KIF6: variants seen among roughly 807,000 people sequenced by gnomAD.
KIF6 encodes the protein kinesin family member 6.
KIF6 carries 106 observed loss-of-function variants against 112.7 expected under a neutral mutation model. That is an observed-to-expected ratio of 0.94 (90% confidence interval 0.80 to 1.11). The LOEUF (loss-of-function observed/expected upper bound fraction) is 1.11. Among genes scored for constraint, KIF6 ranks in the 50% least tolerant of loss-of-function variants. KIF6 has a pLI of 0.00. For synonymous variants in KIF6, 339 were observed against 339.9 expected, an observed-to-expected ratio of 1.00 and a Z score of 0.03; for missense variants, 929 against 964.0, an observed-to-expected ratio of 0.96 and a Z score of 0.48.
At chr6:39,608,994 G>A (rs186524298) in intron 6 of KIF6, among the ~76,000 whole-genome samples, 1 of 152,132 alleles carries the variant, frequency 6.6e-6, no homozygotes, top group South Asian at 2.1e-4. Context: ...TAATTCAATT[G>A]TTTCTATATC....
rs572359533 is a variant in KIF6 at position 39,369,982 on chromosome 6, C to T, written c.1862-7464G>A. On this transcript the variant is annotated intron_variant, in intron 16 of 22. Transcript: ENST00000287152. ...AAGGTTCCCCTTTTTCCCTGGTGCA[C>T]AGCACCTCTCCCAGCCTACCCCTCC... Among the ~76,000 whole-genome samples, 13 of 152,332 alleles carry T rather than the reference C, an allele frequency of 8.5e-5. No homozygotes were observed. In the East Asian group the frequency reaches 2.5e-3, roughly 29 times the overall value.
chr6:39,692,203 G>A (rs146537720), intron 3 of KIF6, among the ~76,000 whole-genome samples: 29 of 152,284 alleles, frequency 1.9e-4, no homozygotes, highest in African/African-American at 6.7e-4. Context: ...TCTTTACTGT[G>A]TACAGAAAAA....
At chr6:39,509,665 A>G (rs182083032) in intron 13 of KIF6, among the ~76,000 whole-genome samples, 7 of 152,320 alleles carry the variant, frequency 4.6e-5, no homozygotes, top group Admixed American at 4.6e-4. Context: ...ATAAAGCATG[A>G]AGACAAGAAT....
chr6:39,501,005 G>A (rs113217725), intron 13 of KIF6, among the ~76,000 whole-genome samples: 6 of 152,264 alleles, frequency 3.9e-5, no homozygotes, highest in African/African-American at 1.4e-4. Context: ...TGGAAGGGGC[G>A]AGTGGATACA....
intron 7 of KIF6, among the ~76,000 whole-genome samples, chr6:39,588,497 A>G (rs1052140776): frequency 1.3e-5 from 2 of 152,164 alleles, no homozygotes; most frequent in Admixed American, 1.3e-4. Context: ...TACAGGTGTG[A>G]GCCACTGTGC....
chr6:39,341,678 C>G (rs1404033661), intron 22 of KIF6, among the ~76,000 whole-genome samples: 5 of 152,216 alleles, frequency 3.3e-5, no homozygotes, highest in Non-Finnish European at 5.9e-5. Flanking sequence ...GCAGCCAGAA[C>G]TCTCCATCCC....
intron 3 of KIF6, among the ~76,000 whole-genome samples, chr6:39,667,298 A>T (rs1786534974): frequency 6.6e-6 from 1 of 151,594 alleles, no homozygotes; most frequent in Admixed American, 6.6e-5. Flanking sequence ...AGGGGTGGGG[A>T]TGAAGTCAGT....
At chr6:39,603,097 C>T (rs898875801) in intron 6 of KIF6, among the ~76,000 whole-genome samples, 3 of 152,106 alleles carry the variant, frequency 2.0e-5, no homozygotes, top group African/African-American at 2.4e-5. Context: ...TGTTCTAGTG[C>T]GTAGTGAAGT....
intron 22 of KIF6, among the ~76,000 whole-genome samples, chr6:39,340,709 T>C (rs1011591354): frequency 1.3e-5 from 2 of 152,204 alleles, no homozygotes; most frequent in African/African-American, 2.4e-5. Flanking sequence ...CTCTCTGCAC[T>C]GCCTGGGGAC....
rs371002741 is a variant in KIF6 at position 39,540,056 on chromosome 6, G to C, written c.1592C>G (p.Ala531Gly). 3 of 1,613,678 alleles carry C rather than the reference G, an allele frequency of 1.9e-6. No homozygotes were observed. Among genetic ancestry groups the C allele is most frequent in the Admixed American group, 3.3e-5 (2 of 59,940 alleles). Residue 531 changes from alanine to glycine, a missense_variant, in exon 13 of 23, where the codon GCC becomes GGC. Physicochemically the swap from Ala to Gly is moderately conservative, Grantham distance 60 (BLOSUM62 0). This residue lies in a region of KIF6 where 688 missense variants were observed against 662.7 expected (regional missense o/e 1.04). Coordinates refer to ENST00000287152, the MANE Select transcript of KIF6 (RefSeq NM_145027.6). ...RMRLSSAPSQ[A>G]QDFSILGKRS... The stretch of plus-strand genomic sequence containing the variant: ...TTTCCCCAAAATGCTGAAGTCCTGG[G>C]CCTGTGAGGGAGCTGAGGATAGTCG...
At chr6:39,414,267 C>T (rs1229664787) in intron 15 of KIF6, among the ~76,000 whole-genome samples, 1 of 152,204 alleles carries the variant, frequency 6.6e-6, no homozygotes, top group African/African-American at 2.4e-5. Flanking sequence ...TTCATTACAC[C>T]TATTCCTACT....
chr6:39,406,320 T>C (rs1009410040), intron 15 of KIF6, among the ~76,000 whole-genome samples: 2 of 152,224 alleles, frequency 1.3e-5, no homozygotes, highest in African/African-American at 4.8e-5. Context: ...TATCCCCTTT[T>C]TCGTTCCTGG....
intron 3 of KIF6, among the ~76,000 whole-genome samples, chr6:39,648,766 C>T (rs1785310386): frequency 6.6e-6 from 1 of 152,134 alleles, no homozygotes; most frequent in Non-Finnish European, 1.5e-5. Flanking sequence ...CAGTGCCTAG[C>T]CATTTGTGTA....
chr6:39,557,722 T>C (rs1434480606), intron 10 of KIF6, among the ~76,000 whole-genome samples: 2 of 152,070 alleles, frequency 1.3e-5, no homozygotes, highest in African/African-American at 4.8e-5. Context: ...AATGAACTTT[T>C]GTATAGAAAG....
At chr6:39,696,268 C>T (rs953295489) in intron 3 of KIF6, among the ~76,000 whole-genome samples, 1 of 152,130 alleles carries the variant, frequency 6.6e-6, no homozygotes, top group Non-Finnish European at 1.5e-5. Flanking sequence ...GTTATACACC[C>T]GCACATGTAC....
At chr6:39,518,044 G>C (rs1346375604) in intron 13 of KIF6, among the ~76,000 whole-genome samples, 1 of 152,202 alleles carries the variant, frequency 6.6e-6, no homozygotes. Flanking sequence ...TGCTGGAGCT[G>C]AGCACCCCAG....
At chr6:39,487,139 AAT>A (rs1417130955) in intron 13 of KIF6, among the ~76,000 whole-genome samples, 1 of 152,232 alleles carries the variant, frequency 6.6e-6, no homozygotes, top group Non-Finnish European at 1.5e-5. Context: ...AATAAATAAA[AAT>A]AGAAAATTAG....
rs573101854 is a variant in KIF6, at chr6:39,688,726, T to G, written c.251+25966A>C. On this transcript the variant is annotated intron_variant, in intron 3 of 22. Coordinates refer to ENST00000287152, the MANE Select transcript of KIF6 (RefSeq NM_145027.6). ...CATATTCCCCAGAGCCTTGGGCTTG[T>G]GCAATAAAAACAAATGGAGAGTCAT... 1.6e-3 allele frequency among the ~76,000 whole-genome samples: 250 copies of G among 152,244 alleles called. 1 individual carries two copies. The highest frequency in any genetic ancestry group is 5.5e-3 in the African/African-American group (230 of 41,552).
intron 13 of KIF6, among the ~76,000 whole-genome samples, chr6:39,497,768 G>A (rs1775874811): frequency 6.6e-6 from 1 of 152,114 alleles, no homozygotes; most frequent in African/African-American, 2.4e-5. Flanking sequence ...TTTCTATAAT[G>A]TTCTGACAGA....
Sources: gnomAD v4.1 joint callset for allele counts (sites outside exome capture counted in the v4.1 genomes callset) on GRCh38, gnomAD v4.1.1 for gene constraint, gnomAD v4.1.1 regional missense constraint, MANE v1.5 for transcripts, NCBI Gene and HGNC (gene_info 2026-07-23, HGNC 2026-07-21) for gene names.